Variants in RYR3 observed in about 807,000 individuals in gnomAD.
RYR3 encodes ryanodine receptor 3.
In RYR3, 207 loss-of-function variants were observed where a neutral mutation model predicts 584.3. That is an observed-to-expected ratio of 0.35 (90% CI 0.32 to 0.40). The LOEUF is 0.40. RYR3 is among the 10% of genes least tolerant of loss of function. RYR3 has a pLI of 1.00. For missense variants in RYR3, 5,616 were observed against 6,089.2 expected (o/e 0.92, Z 2.59); for synonymous variants, 2,416 against 2,248.5 (o/e 1.07, Z -2.11).
intron 1 of RYR3, among the ~76,000 whole-genome samples, chr15:33,364,678 C>T (rs1416031554): frequency 6.6e-6 from 1 of 152,140 alleles, no homozygotes; most frequent in Non-Finnish European, 1.5e-5. Context: ...ACAAGGTAGA[C>T]AGAATTGTGT....
At chr15:33,823,114 C>T in intron 81 of RYR3, 42 bp downstream of exon 81, 1 of 1,556,932 alleles carries the variant, frequency 6.4e-7, no homozygotes, top group Non-Finnish European at 8.8e-7. Context: ...AAAACTCTTC[C>T]CTCTAAGCAT....
At chr15:33,485,970 G>A (rs1002678687) in intron 2 of RYR3, among the ~76,000 whole-genome samples, 2 of 152,262 alleles carry the variant, frequency 1.3e-5, no homozygotes, top group African/African-American at 2.4e-5. Context: ...ATGAGTGAGC[G>A]AGCAAGTTGG....
rs1195937254 is a variant in RYR3 at position 33,333,066 on chromosome 15, C to CAAA, written c.51+21991_51+21993dup. ...AGGCAATAATAAATAGCCTACCAAC[C>CAAA]AAAAAAAAAAAAAAAAAAAAAAAGC... On this transcript the variant is annotated intron_variant, in intron 1 of 103. Transcript: ENST00000634891. Among the ~76,000 whole-genome samples, 186 of 55,678 alleles carry CAAA rather than the reference C, an allele frequency of 3.3e-3. 1 individual carries two copies. The highest frequency in any genetic ancestry group is 0.034 in the Middle Eastern group (2 of 58). 36.5% of individuals were successfully genotyped at this position (55,678 alleles called of 152,430 possible).
At position 33,865,286 on chromosome 15, in the gene RYR3, C is replaced by G. The variant is rs534877059; in HGVS notation, c.*60C>G. ...TCAACTTCCCATGAAATAAAGTCCC[C>G]TTTTTACAGTTCTGCAACATATCTG... On this transcript the variant is annotated 3_prime_UTR_variant, in exon 104 of 104. Coordinates refer to ENST00000634891, the MANE Select transcript of RYR3 (RefSeq NM_001036.6). The G allele has an allele frequency of 4.1e-6, 5 of 1,207,010 alleles. No homozygotes were observed. The highest frequency in any genetic ancestry group is 6.1e-6 in the Non-Finnish European group (5 of 824,262). The allele number at this position is 1,207,010 out of a possible 1,614,324, so 74.8% of individuals were successfully genotyped here.
At chr15:33,404,659 AG>A (rs780852806) in intron 1 of RYR3, among the ~76,000 whole-genome samples, 13 of 151,880 alleles carry the variant, frequency 8.6e-5, no homozygotes, top group Non-Finnish European at 1.6e-4. Flanking sequence ...ATACAAGTCG[AG>A]AAGCTGAGAA....
intron 1 of RYR3, among the ~76,000 whole-genome samples, chr15:33,323,118 A>T (rs564295654): frequency 1.3e-5 from 2 of 151,412 alleles, no homozygotes; most frequent in Admixed American, 6.6e-5. Context: ...ATACATATAT[A>T]TTTTTTTCTT....
At position 33,815,069 on chromosome 15, in the gene RYR3, CAA is replaced by C. The variant is rs35216286; in HGVS notation, c.10502+1505_10502+1506del. On this transcript the variant is annotated intron_variant, in intron 74 of 103. Transcript: ENST00000634891. ...TGGGTGACAGAACGAGACTCTGTCT[CAA>C]AAAAAAAAAAAAAAGGAATCACAGT... Among the ~76,000 whole-genome samples, 147 of 118,656 alleles carry C rather than the reference CAA, an allele frequency of 1.2e-3. 1 individual carries two copies. The South Asian group carries it at 0.016, about 13-fold the overall frequency. The allele number at this position is 118,656 out of a possible 152,430, so 77.8% of individuals were successfully genotyped here.
chr15:33,821,640 G>A (rs1206102273), intron 80 of RYR3, 38 bp downstream of exon 80: 1 of 1,595,568 alleles, frequency 6.3e-7, no homozygotes, highest in Non-Finnish European at 8.6e-7. Flanking sequence ...GGCTCCCGGG[G>A]TATTCCCATT....
intron 43 of RYR3, among the ~76,000 whole-genome samples, chr15:33,721,270 T>C (rs1359199012): frequency 1.3e-5 from 2 of 152,126 alleles, no homozygotes; most frequent in African/African-American, 2.4e-5. Context: ...TGCCAACAGC[T>C]GTGTGAGTGA....
chr15:33,764,496 C>T (rs138059126), intron 60 of RYR3, among the ~76,000 whole-genome samples: 28 of 151,630 alleles, frequency 1.8e-4, no homozygotes, highest in Non-Finnish European at 3.1e-4. Flanking sequence ...TTGATGGGTG[C>T]AGCAAACTAC....
intron 38 of RYR3, among the ~76,000 whole-genome samples, chr15:33,687,292 A>G (rs938008374): frequency 6.6e-6 from 1 of 152,250 alleles, no homozygotes. Flanking sequence ...CAGCCAAATC[A>G]TGAGTGAACT....
At position 33,854,883 on chromosome 15, in the gene RYR3, C is replaced by G; in HGVS notation, c.13978C>G (p.Leu4660Val). The G allele has an allele frequency of 1.9e-6, 3 of 1,612,694 alleles. No individual in the cohort carries two copies. Among genetic ancestry groups the G allele is most frequent in the Non-Finnish European group, 2.5e-6 (3 of 1,179,504 alleles). Reference sequence around the variant, plus strand: ...GGGCTTCAAGACACTGAGGACCATTCTGTCATCTGTAACTCACAATGGCAA... The same window carrying G: ...GGGCTTCAAGACACTGAGGACCATTGTGTCATCTGTAACTCACAATGGCAA... The part of the protein sequence containing the change: ...AMGFKTLRTI[L>V]SSVTHNGKQL... Residue 4660 changes from leucine (L) to valine (V), a missense_variant, in exon 98 of 104, where the codon CTG becomes GTG. Physicochemically the swap from Leu to Val is conservative, Grantham distance 32. Around this residue, in one of 9 missense-constraint regions of RYR3, gnomAD observed 918 missense variants for 887.4 expected, o/e 1.03. Transcript: ENST00000634891.
intron 17 of RYR3, among the ~76,000 whole-genome samples, chr15:33,602,910 T>C (rs1227572461): frequency 6.6e-6 from 1 of 152,032 alleles, no homozygotes; most frequent in Non-Finnish European, 1.5e-5. Context: ...CATACCCAGC[T>C]AATTTTTGTA....
chr15:33,593,275 A>G (rs2059221126), intron 16 of RYR3, among the ~76,000 whole-genome samples: 1 of 152,140 alleles, frequency 6.6e-6, no homozygotes, highest in South Asian at 2.1e-4. Flanking sequence ...TGTTTTTTTA[A>G]TCTTTTGGAG....
intron 1 of RYR3, among the ~76,000 whole-genome samples, chr15:33,471,568 G>A (rs1180200002): frequency 1.4e-5 from 2 of 144,236 alleles, no homozygotes; most frequent in Non-Finnish European, 3.0e-5. Flanking sequence ...ACATTGATGG[G>A]AAAACTGTCA....
chr15:33,805,859 C>T (rs576740865), intron 69 of RYR3, among the ~76,000 whole-genome samples: 25 of 152,170 alleles, frequency 1.6e-4, no homozygotes, highest in African/African-American at 6.0e-4. Context: ...CTCTCTCTCT[C>T]ATAAATGTGC....
intron 1 of RYR3, among the ~76,000 whole-genome samples, chr15:33,325,572 C>T (rs1461421288): frequency 6.6e-6 from 1 of 151,308 alleles, no homozygotes; most frequent in African/African-American, 2.4e-5. Flanking sequence ...CCTTTAGGGT[C>T]CTGAATTCCC....
intron 53 of RYR3, 76 bp from the exon 54 acceptor site, chr15:33,748,038 C>T: frequency 1.4e-6 from 2 of 1,421,998 alleles, no homozygotes; most frequent in Non-Finnish European, 2.0e-6. Context: ...GTGGGATGCA[C>T]CTTCCATGCG....
chr15:33,403,085 G>C (rs1246389285), intron 1 of RYR3, among the ~76,000 whole-genome samples: 4 of 152,218 alleles, frequency 2.6e-5, no homozygotes, highest in Non-Finnish European at 5.9e-5. Context: ...AGGCAGTAGA[G>C]AAATGAATGG....
Sources: allele counts gnomAD v4.1 joint callset (sites outside exome capture counted in the v4.1 genomes callset), GRCh38; gene constraint gnomAD v4.1.1; regional missense constraint gnomAD v4.1.1; transcripts MANE v1.5; gene names NCBI Gene and HGNC (gene_info 2026-07-23, HGNC 2026-07-21).